ZNF248: variants seen among roughly 807,000 people sequenced by gnomAD.
The protein encoded by ZNF248 is zinc finger protein 248.
In ZNF248, 20 loss-of-function variants were observed where a neutral mutation model predicts 44.3. That is an observed-to-expected ratio of 0.45 (90% confidence interval 0.32 to 0.66). The LOEUF (loss-of-function observed/expected upper bound fraction) is 0.66. Ranked by LOEUF, ZNF248 falls within the 30% of genes least tolerant of loss-of-function variation. The probability of loss-of-function intolerance (pLI) is 0.04; values close to 1 mark genes in which losing one functional copy is unlikely to be tolerated. For missense variants in ZNF248, 654 were observed against 677.0 expected (o/e 0.97, Z 0.38); for synonymous variants, 224 against 229.0 (o/e 0.98, Z 0.20).
At chr10:37,759,451 T>G in the ZNF248 span, among the ~76,000 whole-genome samples, 2 of 152,134 alleles carry the variant, frequency 1.3e-5, no homozygotes, top group African/African-American at 4.8e-5. Context: ...CCCCTTAATG[T>G]GTTCCAGATG....
At chr10:37,806,983 A>AT (rs80158974) in intron 6 of ZNF248, among the ~76,000 whole-genome samples, 65,606 of 149,298 alleles carry the variant, frequency 0.44, 14,366 homozygotes, top group African/African-American at 0.48. Flanking sequence ...TTTTCCCAGC[A>AT]TTTTTTTTTT....
the ZNF248 span, among the ~76,000 whole-genome samples, chr10:37,766,410 C>T: frequency 6.6e-6 from 1 of 152,202 alleles, no homozygotes; most frequent in Admixed American, 6.5e-5. Context: ...TGAAACAAAA[C>T]TTCCAGAGGA....
At chr10:37,824,152 A>G (rs2053968375), downstream of ZNF248, among the ~76,000 whole-genome samples, 1 of 152,174 alleles carries the variant, frequency 6.6e-6, no homozygotes, top group East Asian at 1.9e-4. Flanking sequence ...CTGAAGGCTC[A>G]AGACCCAGGA....
intron 5 of ZNF248, among the ~76,000 whole-genome samples, chr10:37,835,870 G>A (rs563820142): frequency 2.6e-5 from 4 of 152,138 alleles, no homozygotes; most frequent in Non-Finnish European, 5.9e-5. Flanking sequence ...TTCTAGTTCT[G>A]ACCTCAACCA....
intron 1 of ZNF248, chr10:37,856,807 A>G: frequency 3.6e-6 from 3 of 822,800 alleles, no homozygotes; most frequent in Non-Finnish European, 4.4e-6. Flanking sequence ...TTAATGAGAA[A>G]CTGTGATATA....
At chr10:37,781,513 A>C (rs1482510553) in intron 6 of ZNF248, among the ~76,000 whole-genome samples, 1 of 152,148 alleles carries the variant, frequency 6.6e-6, no homozygotes, top group East Asian at 1.9e-4. Context: ...AATTTGTAAC[A>C]GTTTTTCCTG....
At chr10:37,842,924 C>T (rs921303682) in intron 3 of ZNF248, among the ~76,000 whole-genome samples, 5 of 152,126 alleles carry the variant, frequency 3.3e-5, no homozygotes, top group Non-Finnish European at 5.9e-5. Flanking sequence ...CAGCTATTCT[C>T]GAGGTTCAGT....
intron 3 of ZNF248, among the ~76,000 whole-genome samples, chr10:37,854,468 G>A (rs987580652): frequency 6.6e-5 from 10 of 152,264 alleles, no homozygotes; most frequent in African/African-American, 1.9e-4. Context: ...TTAGACACAC[G>A]AAAACGTATT....
intron 3 of ZNF248, among the ~76,000 whole-genome samples, chr10:37,847,583 T>C (rs1202703517): frequency 6.6e-6 from 1 of 152,184 alleles, no homozygotes; most frequent in Non-Finnish European, 1.5e-5. Context: ...AAAATGTATA[T>C]ACAGAGGAGA....
intron 6 of ZNF248, among the ~76,000 whole-genome samples, chr10:37,802,219 C>A (rs118091216): frequency 3.3e-5 from 5 of 152,084 alleles, no homozygotes; most frequent in Non-Finnish European, 7.4e-5. Flanking sequence ...GGGATCTGTT[C>A]GTTTCTTGTT....
chr10:37,841,611 G>A (rs879380111), intron 3 of ZNF248, among the ~76,000 whole-genome samples: 7 of 152,196 alleles, frequency 4.6e-5, no homozygotes, highest in Non-Finnish European at 8.8e-5. Context: ...CTGCCATCAA[G>A]GAGGTGTAGC....
intron 3 of ZNF248, among the ~76,000 whole-genome samples, chr10:37,850,822 T>A (rs1011245760): frequency 2.0e-5 from 3 of 151,912 alleles, no homozygotes; most frequent in East Asian, 1.9e-4. Context: ...ATAGATGAAG[T>A]ACTTAAATAT....
downstream of ZNF248, among the ~76,000 whole-genome samples, chr10:37,825,015 T>G (rs2054153066): frequency 6.6e-6 from 1 of 151,884 alleles, no homozygotes; most frequent in African/African-American, 2.4e-5. Flanking sequence ...TGAAGTAATT[T>G]GAAAACTTAA....
intron 3 of ZNF248, among the ~76,000 whole-genome samples, chr10:37,853,340 A>G (rs2060655557): frequency 6.6e-6 from 1 of 152,202 alleles, no homozygotes; most frequent in South Asian, 2.1e-4. Flanking sequence ...AGGATGATTT[A>G]AGACAAAAAC....
intron 6 of ZNF248, among the ~76,000 whole-genome samples, chr10:37,778,911 T>G (rs1321617275): frequency 6.6e-6 from 1 of 151,778 alleles, no homozygotes. Flanking sequence ...CTAGAAAATC[T>G]AGAAGAAATG....
chr10:37,856,335 G>C lies in ZNF248; in HGVS notation c.-25C>G. On this transcript the variant is annotated splice_region_variant and 5_prime_UTR_variant, in exon 3 of 6. Transcript: ENST00000395867. ...TTTTCCGCTCTTAGTGGAGGAAGGAGAGCTGAAGGATTAGAAAGGAAGAAT... is the reference window on the plus strand; with the variant it reads ...TTTTCCGCTCTTAGTGGAGGAAGGACAGCTGAAGGATTAGAAAGGAAGAAT... 6.2e-7 allele frequency: 1 copy of C among 1,613,192 alleles called. No individual in the cohort carries two copies. Among genetic ancestry groups the C allele is most frequent in the Non-Finnish European group, 8.5e-7 (1 of 1,179,708 alleles).
intron 3 of ZNF248, among the ~76,000 whole-genome samples, chr10:37,849,125 A>G (rs540086705): frequency 6.6e-6 from 1 of 152,188 alleles, no homozygotes; most frequent in African/African-American, 2.4e-5. Flanking sequence ...TCAGGGAGAA[A>G]GAAAGAGCAG....
chr10:37,793,330 G>T (rs2048780142), intron 6 of ZNF248, among the ~76,000 whole-genome samples: 1 of 151,878 alleles, frequency 6.6e-6, no homozygotes, highest in African/African-American at 2.4e-5. Context: ...GAGAGACTCT[G>T]TCTAAAAAAA....
the ZNF248 span, among the ~76,000 whole-genome samples, chr10:37,762,947 TA>T: frequency 2.0e-5 from 3 of 152,144 alleles, no homozygotes; most frequent in Non-Finnish European, 4.4e-5. Context: ...ATTATTTTTT[TA>T]AAAAAATGTG....
Sources: gnomAD v4.1 joint callset for allele counts (sites outside exome capture counted in the v4.1 genomes callset) on GRCh38, gnomAD v4.1.1 for gene constraint, MANE v1.5 for transcripts, NCBI Gene and HGNC (gene_info 2026-07-23, HGNC 2026-07-21) for gene names.